The following NBEA variants were observed in gnomAD, a reference collection of about 807,000 sequenced individuals.
The protein encoded by NBEA is lysosomal-trafficking regulator 2.
NBEA carries 44 observed loss-of-function variants against 343.4 expected under a neutral mutation model. The observed-to-expected ratio is 0.13, with a 90% CI of 0.10 to 0.16. The LOEUF (loss-of-function observed/expected upper bound fraction) is 0.16. Among genes scored for constraint, NBEA ranks in the 10% least tolerant of loss-of-function variants. The pLI, the probability that NBEA is intolerant of heterozygous loss-of-function variation, is 1.00. For synonymous variants in NBEA, 1,175 were observed against 1,238.7 expected (o/e 0.95, Z 1.08); for missense variants, 2,555 against 3,631.3 (o/e 0.70, Z 7.62).
intron 24 of NBEA, chr13:35,164,952 C>A: frequency 2.6e-6 from 1 of 386,296 alleles, no homozygotes. Flanking sequence ...TTGTGTATGT[C>A]ATTTAAAATA....
At chr13:35,365,749 G>A (rs938585794) in intron 38 of NBEA, among the ~76,000 whole-genome samples, 1 of 151,596 alleles carries the variant, frequency 6.6e-6, no homozygotes, top group Admixed American at 6.6e-5. Context: ...GTAAATATAT[G>A]TTAAAAAGGT....
chr13:35,427,443 C>T (rs1274678723), intron 38 of NBEA, among the ~76,000 whole-genome samples: 6 of 152,124 alleles, frequency 3.9e-5, no homozygotes, highest in Admixed American at 2.0e-4. Context: ...GGCTGCAGAA[C>T]AGCAGATATT....
intron 33 of NBEA, among the ~76,000 whole-genome samples, chr13:35,222,150 G>A (rs2074403535): frequency 6.6e-6 from 1 of 151,624 alleles, no homozygotes; most frequent in African/African-American, 2.4e-5. Context: ...TTTAATCACT[G>A]ATTTCAGCTG....
intron 46 of NBEA, among the ~76,000 whole-genome samples, chr13:35,586,733 C>G (rs140224577): frequency 1.3e-5 from 2 of 152,152 alleles, no homozygotes; most frequent in Admixed American, 1.3e-4. Context: ...CTATTTATCT[C>G]TATAAAGCAA....
At chr13:35,443,495 G>A (rs968497834) in intron 39 of NBEA, among the ~76,000 whole-genome samples, 5 of 152,042 alleles carry the variant, frequency 3.3e-5, no homozygotes, top group South Asian at 2.1e-4. Flanking sequence ...GGGAATCATG[G>A]TTAGATCCAA....
At chr13:35,295,519 G>T (rs2036068568) in intron 35 of NBEA, among the ~76,000 whole-genome samples, 1 of 152,074 alleles carries the variant, frequency 6.6e-6, no homozygotes, top group African/African-American at 2.4e-5. Context: ...TGCCATAAAA[G>T]TTTGTAATAT....
chr13:35,276,839 G>C (rs2034619335), intron 34 of NBEA, among the ~76,000 whole-genome samples: 1 of 152,034 alleles, frequency 6.6e-6, no homozygotes, highest in Non-Finnish European at 1.5e-5. Context: ...CCCATCCTCA[G>C]GTTGCTCTAA....
intron 36 of NBEA, among the ~76,000 whole-genome samples, chr13:35,327,584 T>A (rs2038653452): frequency 6.6e-6 from 1 of 151,862 alleles, no homozygotes; most frequent in Non-Finnish European, 1.5e-5. Context: ...GTTGGATAAA[T>A]GTGGACATAA....
intron 38 of NBEA, among the ~76,000 whole-genome samples, chr13:35,429,121 A>G (rs756025308): frequency 6.6e-5 from 10 of 152,142 alleles, no homozygotes; most frequent in Non-Finnish European, 1.5e-4. Context: ...ATGCCCCATT[A>G]CTGTCCAATG....
At chr13:35,064,602 C>T (rs928171334) in intron 8 of NBEA, among the ~76,000 whole-genome samples, 4 of 152,080 alleles carry the variant, frequency 2.6e-5, no homozygotes, top group South Asian at 2.1e-4. Context: ...TTATGTTCCC[C>T]TAAAATTCAC....
chr13:35,141,097 A>G (rs952253012), intron 17 of NBEA, among the ~76,000 whole-genome samples: 11 of 152,156 alleles, frequency 7.2e-5, no homozygotes, highest in African/African-American at 2.7e-4. Context: ...TAGCTATAAG[A>G]GAGGCTGGAA....
chr13:35,159,588 T>C lies in NBEA; in HGVS notation c.3417T>C (p.Leu1139=). ...CATTAGCAGATGAGAAAGAAGACCT[T>C]CCCAATAGTAGTACATCATTTCTCT... The part of the protein sequence containing the change: ...LITLADEKED[L]PNSSTSFLFD... Residue 1139 remains leucine (L), a synonymous_variant, in exon 22 of 59, where the codon CTT becomes CTC. Transcript: ENST00000379939. The C allele has an allele frequency of 6.2e-7, 1 of 1,612,104 alleles. No homozygotes were observed. The highest frequency in any genetic ancestry group is 1.1e-5 in the South Asian group (1 of 90,924).
chr13:35,631,638 T>TAA (rs59333937), intron 49 of NBEA, among the ~76,000 whole-genome samples: 7,907 of 126,148 alleles, frequency 0.063, 347 homozygotes, highest in African/African-American at 0.11. Context: ...GTCTCCTTTG[T>TAA]AAAAAAAAAA....
chr13:35,513,808 A>G (rs547521553), intron 41 of NBEA, among the ~76,000 whole-genome samples: 1 of 152,256 alleles, frequency 6.6e-6, no homozygotes, highest in East Asian at 1.9e-4. Context: ...TCTGTATTTA[A>G]GTAATTTTAA....
intron 42 of NBEA, 38 bp from the exon 43 acceptor site, chr13:35,550,892 C>A: frequency 7.8e-7 from 1 of 1,284,306 alleles, no homozygotes; most frequent in Non-Finnish European, 1.1e-6. Flanking sequence ...ACTTATCCTG[C>A]GGTTTTCTAA....
chr13:35,462,916 G>C (rs548828283), intron 40 of NBEA, among the ~76,000 whole-genome samples: 1 of 152,322 alleles, frequency 6.6e-6, no homozygotes, highest in East Asian at 1.9e-4. Context: ...GGAATGTGCA[G>C]ATGCAAGGTC....
At chr13:35,428,658 A>T (rs2044876207) in intron 38 of NBEA, among the ~76,000 whole-genome samples, 1 of 151,952 alleles carries the variant, frequency 6.6e-6, no homozygotes, top group Non-Finnish European at 1.5e-5. Flanking sequence ...ATAATTGCTT[A>T]TTGAAGTATA....
At chr13:35,517,670 G>T (rs942513640) in intron 41 of NBEA, among the ~76,000 whole-genome samples, 13 of 152,184 alleles carry the variant, frequency 8.5e-5, no homozygotes, top group Admixed American at 7.9e-4. Flanking sequence ...TTAGTAAGAG[G>T]CTCGCCCCAA....
chr13:35,593,976 C>T (rs776289144), intron 47 of NBEA, among the ~76,000 whole-genome samples: 9 of 152,062 alleles, frequency 5.9e-5, no homozygotes, highest in Non-Finnish European at 1.3e-4. Flanking sequence ...CACACAATAT[C>T]CAGAAACAGC....
Sources: allele counts gnomAD v4.1 joint callset (sites outside exome capture counted in the v4.1 genomes callset), GRCh38; gene constraint gnomAD v4.1.1; transcripts MANE v1.5; gene names NCBI Gene and HGNC (gene_info 2026-07-23, HGNC 2026-07-21).